Variants in RHOT1 observed in about 807,000 individuals in gnomAD.
RHOT1 encodes ras homolog family member T1.
RHOT1 carries 27 observed loss-of-function variants against 95.3 expected under a neutral mutation model. That is an observed-to-expected ratio of 0.28 (90% CI 0.21 to 0.39). The LOEUF (loss-of-function observed/expected upper bound fraction) is 0.39, where lower values mean the gene tolerates loss of function less well. Among genes scored for constraint, RHOT1 ranks in the 10% least tolerant of loss-of-function variants. The pLI is 1.00. For synonymous variants in RHOT1, 227 were observed against 263.5 expected, an observed-to-expected ratio of 0.86 and a Z score of 1.34; for missense variants, 578 against 786.7, an observed-to-expected ratio of 0.73 and a Z score of 3.17.
At chr17:32,212,933 G>A (rs1425650380) in intron 19 of RHOT1, among the ~76,000 whole-genome samples, 5 of 151,996 alleles carry the variant, frequency 3.3e-5, no homozygotes, top group Non-Finnish European at 7.4e-5. Flanking sequence ...GGTTTTCACA[G>A]TACCTCTTAA....
intron 14 of RHOT1, 109 bp downstream of exon 14, chr17:32,201,165 A>G (rs934938353): frequency 8.4e-6 from 5 of 597,846 alleles, no homozygotes; most frequent in South Asian, 4.2e-5. Flanking sequence ...TCTTCCATCT[A>G]CACTCTATTA....
Position 32,208,209 on chromosome 17 carries a change from A to G in RHOT1, c.1639A>G (p.Arg547Gly). The change falls in exon 18 of 20, where the codon AGG becomes GGG. Residue 547 changes from arginine (R) to glycine (G), a missense_variant. Physicochemically the swap from Arg to Gly is moderately radical, Grantham distance 125. Around this residue, in one of 4 missense-constraint regions of RHOT1, gnomAD observed 296 missense variants for 338.5 expected, o/e 0.87. Coordinates refer to ENST00000545287, the MANE Select transcript of RHOT1 (RefSeq NM_001033566.3). ...CAGTATTTCACCTACTGATTTCTGC[A>G]GGAAACACAAAATGCCTCCACCACA... ...EYSISPTDFC[R>G]KHKMPPPQAF... 3 of 1,614,108 alleles carry G rather than the reference A, an allele frequency of 1.9e-6. No individual in the cohort carries two copies. The highest frequency in any genetic ancestry group is 2.5e-6 in the Non-Finnish European group (3 of 1,179,948).
rs966411410 is a variant in RHOT1 at position 32,151,108 on chromosome 17, A to T, written c.37+8379A>T. The stretch of plus-strand genomic sequence containing the variant: ...GAAAACAGCCAGGTTATCATCTCAC[A>T]TCCTCTCCAATTTACCATGACACTG... On this transcript the variant is annotated intron_variant, in intron 1 of 19. Transcript: ENST00000545287. 3.3e-6 allele frequency: 3 copies of T among 908,838 alleles called. No homozygotes were observed. The African/African-American group carries it at 4.9e-5, about 15-fold the overall frequency. The allele number at this position is 908,838 out of a possible 1,614,324, so 56.3% of individuals were successfully genotyped here. A position where few individuals can be genotyped will look rare whatever the true frequency, so the allele number is the denominator to read the frequency against.
chr17:32,209,058 G>C (rs2037950938), intron 18 of RHOT1: 2 of 171,698 alleles, frequency 1.2e-5, no homozygotes, highest in Non-Finnish European at 2.5e-5. Context: ...TTATTCTTAT[G>C]TTAGTCTCTA....
intron 1 of RHOT1, among the ~76,000 whole-genome samples, chr17:32,150,205 C>T (rs2032114272): frequency 6.6e-6 from 1 of 152,174 alleles, no homozygotes. Context: ...GACTAAGTCA[C>T]ATTTGTCTGA....
At chr17:32,199,601 T>C in intron 13 of RHOT1, 51 bp downstream of exon 13, 1 of 1,446,438 alleles carries the variant, frequency 6.9e-7, no homozygotes, top group Admixed American at 2.5e-5. Context: ...AGTTTAAAAT[T>C]ATGGTGTATT....
At chr17:32,147,210 A>C (rs982684122) in intron 1 of RHOT1, among the ~76,000 whole-genome samples, 3 of 147,068 alleles carry the variant, frequency 2.0e-5, no homozygotes, top group Non-Finnish European at 4.5e-5. Flanking sequence ...ACGCCTGGCT[A>C]ATTTTTGTAT....
chr17:32,214,843 A>G lies in RHOT1; in HGVS notation c.1862+3605A>G, dbSNP rs773528411. 1.2e-4 allele frequency among the ~76,000 whole-genome samples: 18 copies of G among 147,320 alleles called. No homozygotes were observed. The Middle Eastern group carries it at 0.011, about 90-fold the overall frequency. On this transcript the variant is annotated intron_variant, in intron 19 of 19. Transcript: ENST00000545287. ...TTTGTTTTTAGATATCAGAACTACCATGCTTAGTGTTTGATTTAGAATTGT... is the reference window on the plus strand; with the variant it reads ...TTTGTTTTTAGATATCAGAACTACCGTGCTTAGTGTTTGATTTAGAATTGT...
chr17:32,147,650 TC>T (rs1401669626), intron 1 of RHOT1, among the ~76,000 whole-genome samples: 1 of 151,824 alleles, frequency 6.6e-6, no homozygotes, highest in African/African-American at 2.4e-5. Flanking sequence ...TGAAACCCTG[TC>T]CCTACTAAAC....
intron 1 of RHOT1, among the ~76,000 whole-genome samples, chr17:32,169,635 G>T (rs1477918177): frequency 6.6e-6 from 1 of 152,162 alleles, no homozygotes; most frequent in African/African-American, 2.4e-5. Flanking sequence ...AAATAAAAAA[G>T]ATCTTGTGCA....
intron 1 of RHOT1, among the ~76,000 whole-genome samples, chr17:32,165,730 A>T (rs2034017444): frequency 6.6e-6 from 1 of 152,208 alleles, no homozygotes; most frequent in South Asian, 2.1e-4. Flanking sequence ...ACCTCCAAAT[A>T]ATGACAAACC....
At chr17:32,149,633 ATATGTGTGTG>A (rs2043420387) in intron 1 of RHOT1, among the ~76,000 whole-genome samples, 1 of 81,286 alleles carries the variant, frequency 1.2e-5, no homozygotes, top group African/African-American at 4.7e-5. Context: ...ATATATATAT[ATATGTGTGTG>A]TGTGTGTGTG....
At chr17:32,150,539 G>A in intron 1 of RHOT1, 1 of 1,518,408 alleles carries the variant, frequency 6.6e-7, no homozygotes, top group Non-Finnish European at 9.1e-7. Context: ...GTTTGTGTGG[G>A]AGATAGGCCT....
intron 1 of RHOT1, among the ~76,000 whole-genome samples, chr17:32,162,478 C>A (rs1422091962): frequency 6.6e-6 from 1 of 152,122 alleles, no homozygotes. Flanking sequence ...TTTTAACTGC[C>A]TCAGTAGCGA....
intron 19 of RHOT1, among the ~76,000 whole-genome samples, chr17:32,213,442 G>T (rs1598460798): frequency 1.3e-5 from 2 of 152,098 alleles, no homozygotes; most frequent in South Asian, 4.1e-4. Flanking sequence ...TTCCACCAGA[G>T]AACTCTTTGT....
At chr17:32,159,577 T>A (rs1406831654) in intron 1 of RHOT1, 1 of 152,696 alleles carries the variant, frequency 6.5e-6, no homozygotes, top group African/African-American at 2.4e-5. Flanking sequence ...CTGCCTGGCC[T>A]CTCCCTGCTC....
chr17:32,177,828 C>CTTTTTT (rs1200853876), intron 6 of RHOT1, among the ~76,000 whole-genome samples: 1 of 137,412 alleles, frequency 7.3e-6, no homozygotes, highest in African/African-American at 2.6e-5. Context: ...TTTCTTTCTT[C>CTTTTTT]TTTTTTTTTT....
At chr17:32,204,012 G>T in intron 16 of RHOT1, 39 bp downstream of exon 16, 1 of 1,387,098 alleles carries the variant, frequency 7.2e-7, no homozygotes, top group Non-Finnish European at 1.0e-6. Context: ...ACTAATTATT[G>T]GGTACATTTT....
intron 1 of RHOT1, among the ~76,000 whole-genome samples, chr17:32,169,810 A>G (rs1170302407): frequency 6.6e-6 from 1 of 152,058 alleles, no homozygotes; most frequent in Non-Finnish European, 1.5e-5. Flanking sequence ...GTTTGAGACC[A>G]TCCTGGGCGA....
Sources: gnomAD v4.1 joint callset for allele counts (sites outside exome capture counted in the v4.1 genomes callset) on GRCh38, gnomAD v4.1.1 for gene constraint, gnomAD v4.1.1 regional missense constraint, MANE v1.5 for transcripts, NCBI Gene and HGNC (gene_info 2026-07-23, HGNC 2026-07-21) for gene names.